RYR2: variants seen among roughly 807,000 people sequenced by gnomAD.
The protein encoded by RYR2 is cardiac muscle ryanodine receptor-calcium release channel.
A neutral mutation model predicts 601.1 loss-of-function variants in RYR2; 227 were observed. The observed-to-expected ratio is 0.38, with a 90% CI of 0.34 to 0.42. The LOEUF is 0.42. RYR2 is among the 10% of genes least tolerant of loss of function. The probability of loss-of-function intolerance (pLI) is 1.00; values close to 1 mark genes in which losing one functional copy is unlikely to be tolerated. For synonymous variants in RYR2, 2,223 were observed against 2,175.1 expected (o/e 1.02, Z -0.61); for missense variants, 4,646 against 6,156.5 (o/e 0.75, Z 8.21).
intron 24 of RYR2, among the ~76,000 whole-genome samples, chr1:237,514,094 T>C (rs1666180175): frequency 6.6e-6 from 1 of 152,242 alleles, no homozygotes; most frequent in South Asian, 2.1e-4. Flanking sequence ...GATCTTCCTT[T>C]GCGCTCTTGA....
At chr1:237,360,021 A>G (rs964676428) in intron 4 of RYR2, among the ~76,000 whole-genome samples, 1 of 152,230 alleles carries the variant, frequency 6.6e-6, no homozygotes, top group Non-Finnish European at 1.5e-5. Context: ...CTCTTAAAAA[A>G]TATGATGATG....
intron 32 of RYR2, among the ~76,000 whole-genome samples, chr1:237,592,627 T>C (rs1450907747): frequency 1.6e-5 from 2 of 126,352 alleles, no homozygotes; most frequent in Non-Finnish European, 3.7e-5. Flanking sequence ...AGTAAGACTC[T>C]GTCTCAAAAA....
intron 22 of RYR2, among the ~76,000 whole-genome samples, chr1:237,505,788 TG>T (rs1383234270): frequency 1.3e-5 from 2 of 152,216 alleles, no homozygotes; most frequent in African/African-American, 4.8e-5. Context: ...AGACTAGCTG[TG>T]GGGTCACACA....
intron 58 of RYR2, among the ~76,000 whole-genome samples, chr1:237,671,903 G>A (rs1441882823): frequency 2.6e-5 from 4 of 152,082 alleles, no homozygotes; most frequent in African/African-American, 9.7e-5. Flanking sequence ...CTGTTGTTAA[G>A]CCACAGACAG....
At chr1:237,189,605 C>A (rs1450193199) in intron 1 of RYR2, among the ~76,000 whole-genome samples, 2 of 152,118 alleles carry the variant, frequency 1.3e-5, no homozygotes, top group Non-Finnish European at 2.9e-5. Context: ...TGTCTTTCTG[C>A]CATGTGAAGA....
intron 1 of RYR2, among the ~76,000 whole-genome samples, chr1:237,201,681 C>A (rs1437919442): frequency 6.6e-6 from 1 of 152,084 alleles, no homozygotes; most frequent in Non-Finnish European, 1.5e-5. Flanking sequence ...AAAAAGACAC[C>A]ACTTTCTGGG....
chr1:237,496,894 G>A (rs1664132424), intron 20 of RYR2, 142 bp downstream of exon 20: 3 of 998,916 alleles, frequency 3.0e-6, no homozygotes, highest in African/African-American at 3.2e-5. Context: ...ATGAGTAAGA[G>A]TGTTGAGGAA....
chr1:237,598,782 GAAGT>G (rs948716616), intron 34 of RYR2, among the ~76,000 whole-genome samples: 6 of 151,938 alleles, frequency 3.9e-5, no homozygotes, highest in African/African-American at 1.4e-4. Context: ...CAAATTAATA[GAAGT>G]AAATAAATAA....
chr1:237,587,415 A>C (rs898529871), intron 29 of RYR2, among the ~76,000 whole-genome samples: 1 of 152,178 alleles, frequency 6.6e-6, no homozygotes, highest in African/African-American at 2.4e-5. Flanking sequence ...ATATACATTG[A>C]AGAAAATTTG....
chr1:237,333,118 G>A (rs1017095745), intron 3 of RYR2, among the ~76,000 whole-genome samples: 11 of 152,212 alleles, frequency 7.2e-5, no homozygotes, highest in African/African-American at 2.4e-4. Context: ...AGTAATTTGT[G>A]TGATGTGTTG....
chr1:237,393,653 C>G (rs1308284009), intron 10 of RYR2, among the ~76,000 whole-genome samples: 1 of 152,218 alleles, frequency 6.6e-6, no homozygotes, highest in African/African-American at 2.4e-5. Flanking sequence ...TATATCTTTT[C>G]AGCCTGGAAC....
chr1:237,246,461 G>T (rs1686847835), intron 1 of RYR2, among the ~76,000 whole-genome samples: 1 of 152,074 alleles, frequency 6.6e-6, no homozygotes, highest in Non-Finnish European at 1.5e-5. Context: ...ATTAGCTGGG[G>T]GTTGCCAGTG....
In RYR2 at chr1:237,639,169, T is replaced by C. The variant is rs749474378; in HGVS notation, c.7083T>C (p.Gly2361=). 2.1e-5 allele frequency: 34 copies of C among 1,613,470 alleles called. 1 individual carries two copies. In the African/African-American group the frequency reaches 3.9e-4, roughly 18 times the overall value. Residue 2361 remains glycine (G), a synonymous_variant, in exon 46 of 105, where the codon GGT becomes GGC. Transcript: ENST00000366574. The part of the protein sequence containing the change: ...IKIAEDPSRD[G]PSPNSGSSKT... ...TCGCCGAGGATCCTTCCCGAGATGG[T>C]CCCTCACCAAATAGCGGATCCAGTA...
intron 49 of RYR2, 151 bp from the exon 50 acceptor site, chr1:237,649,726 G>A (rs540308324): frequency 6.9e-5 from 44 of 633,602 alleles, no homozygotes; most frequent in South Asian, 3.1e-4. Flanking sequence ...ATATGAACCC[G>A]ACACTTAAAG....
intron 2 of RYR2, among the ~76,000 whole-genome samples, chr1:237,280,781 G>GTT (rs35115328): frequency 8.0e-4 from 115 of 143,628 alleles, no homozygotes; most frequent in Non-Finnish European, 1.1e-3. Flanking sequence ...CTTCTTACTG[G>GTT]TTTTTTTTTT....
chr1:237,828,536 AG>A, intron 102 of RYR2, 91 bp downstream of exon 102: 1 of 845,844 alleles, frequency 1.2e-6, no homozygotes, highest in Non-Finnish European at 1.9e-6. Flanking sequence ...GAATGTGGGA[AG>A]GAGGAGGGGG....
At chr1:237,532,798 TTCTA>T (rs1447506118) in intron 25 of RYR2, among the ~76,000 whole-genome samples, 5 of 152,146 alleles carry the variant, frequency 3.3e-5, no homozygotes, top group African/African-American at 4.8e-5. Flanking sequence ...CATGTATAGA[TTCTA>T]TCTGTTATAA....
At chr1:237,160,802 C>T (rs1298282646) in intron 1 of RYR2, among the ~76,000 whole-genome samples, 1 of 151,906 alleles carries the variant, frequency 6.6e-6, no homozygotes. Context: ...AGAGTTGATT[C>T]TGAAAATTGA....
chr1:237,279,809 A>C (rs149159344), intron 2 of RYR2, among the ~76,000 whole-genome samples: 8 of 152,332 alleles, frequency 5.3e-5, no homozygotes, highest in African/African-American at 1.4e-4. Context: ...TCACTGCTTC[A>C]AGCATAGTTT....
Sources: allele counts gnomAD v4.1 joint callset (sites outside exome capture counted in the v4.1 genomes callset), GRCh38; gene constraint gnomAD v4.1.1; transcripts MANE v1.5; gene names NCBI Gene and HGNC (gene_info 2026-07-23, HGNC 2026-07-21).